Variants in FGF12 observed in about 807,000 individuals in gnomAD.
The protein encoded by FGF12 is fibroblast growth factor 12B.
FGF12 carries 14 observed loss-of-function variants against 23.6 expected under a neutral mutation model. That is an observed-to-expected ratio of 0.59 (90% CI 0.39 to 0.93). The LOEUF (loss-of-function observed/expected upper bound fraction) is 0.93, where lower values mean the gene tolerates loss of function less well. Ranked by LOEUF, FGF12 falls within the 40% of genes least tolerant of loss-of-function variation. The pLI, the probability that FGF12 is intolerant of heterozygous loss-of-function variation, is 0.00. For missense variants in FGF12, 175 were observed against 217.8 expected (o/e 0.80, Z 1.24); for synonymous variants, 62 against 77.3 (o/e 0.80, Z 1.04).
At chr3:192,170,864 A>C (rs746461738) in intron 4 of FGF12, among the ~76,000 whole-genome samples, 4 of 152,312 alleles carry the variant, frequency 2.6e-5, no homozygotes, top group African/African-American at 4.8e-5. Context: ...CCTTCAGCCC[A>C]GAGATAATAA....
Position 192,265,940 on chromosome 3 carries a change from G to A in FGF12, c.228+69421C>T, listed in dbSNP as rs187086830. Among the ~76,000 whole-genome samples the A allele has an allele frequency of 2.8e-3, 433 of 152,160 alleles. 9 individuals are homozygous for A. Among genetic ancestry groups the A allele is most frequent in the Admixed American group, 0.025 (387 of 15,260 alleles). Reference sequence around the variant, plus strand: ...ATAAACTGAATCTCTGCAAGCTTCCGTTTCCTTCTATGCATTGTGGGGATA... The same window carrying A: ...ATAAACTGAATCTCTGCAAGCTTCCATTTCCTTCTATGCATTGTGGGGATA... On this transcript the variant is annotated intron_variant, in intron 4 of 5. Coordinates refer to ENST00000445105, the MANE Select transcript of FGF12 (RefSeq NM_004113.6).
intron 2 of FGF12, among the ~76,000 whole-genome samples, chr3:192,414,887 G>C (rs917951775): frequency 1.3e-5 from 2 of 152,058 alleles, no homozygotes; most frequent in African/African-American, 4.8e-5. Context: ...TCCCCGTGAA[G>C]CTCTTTCCTT....
chr3:192,358,849 C>T (rs1463085706), intron 3 of FGF12, among the ~76,000 whole-genome samples: 5 of 152,142 alleles, frequency 3.3e-5, no homozygotes, highest in South Asian at 4.1e-4. Context: ...GTTAGATGGA[C>T]GATGCTGACA....
At chr3:192,563,210 G>A (rs778183218) in intron 2 of FGF12, among the ~76,000 whole-genome samples, 15 of 152,122 alleles carry the variant, frequency 9.9e-5, no homozygotes, top group Non-Finnish European at 2.1e-4. Flanking sequence ...AAGATTAATG[G>A]AATATTATTA....
chr3:192,677,091 G>A (rs1420446305), intron 2 of FGF12, among the ~76,000 whole-genome samples: 1 of 152,132 alleles, frequency 6.6e-6, no homozygotes, highest in Admixed American at 6.5e-5. Flanking sequence ...CCTAACCCCA[G>A]CCTAAACATG....
rs150855736 is a variant in FGF12, at chr3:192,509,657, C to G, written c.14-149119G>C. Among the ~76,000 whole-genome samples the G allele has an allele frequency of 1.7e-3, 257 of 152,224 alleles. 1 individual carries two copies. Among genetic ancestry groups the G allele is most frequent in the African/African-American group, 5.4e-3 (225 of 41,532 alleles). ...TTAATTACATCTTTGGAAAAGAGATCGATATCATTTAAGGAATAATGCACC... is the reference window on the plus strand; with the variant it reads ...TTAATTACATCTTTGGAAAAGAGATGGATATCATTTAAGGAATAATGCACC... On this transcript the variant is annotated intron_variant, in intron 2 of 5. Transcript: ENST00000445105.
At chr3:192,383,699 C>T (rs571032512) in intron 2 of FGF12, among the ~76,000 whole-genome samples, 2 of 152,168 alleles carry the variant, frequency 1.3e-5, no homozygotes, top group African/African-American at 4.8e-5. Flanking sequence ...GGTTCTACAC[C>T]ATTGGCAAAG....
intron 2 of FGF12, among the ~76,000 whole-genome samples, chr3:192,442,777 G>T (rs1222425800): frequency 1.3e-5 from 2 of 151,102 alleles, no homozygotes; most frequent in African/African-American, 4.9e-5. Flanking sequence ...ATTGTTTTCA[G>T]ATAGAGAAAT....
intron 2 of FGF12, among the ~76,000 whole-genome samples, chr3:192,465,679 G>A (rs940762164): frequency 6.6e-6 from 1 of 152,202 alleles, no homozygotes; most frequent in African/African-American, 2.4e-5. Flanking sequence ...CTGCTAGGCA[G>A]AGGGTGCCTA....
intron 4 of FGF12, among the ~76,000 whole-genome samples, chr3:192,172,768 A>G (rs1715637469): frequency 6.6e-6 from 1 of 151,002 alleles, no homozygotes; most frequent in Non-Finnish European, 1.5e-5. Flanking sequence ...GTTGCCACAC[A>G]ATCCAAAAAT....
At chr3:192,184,049 T>C (rs779855740) in intron 4 of FGF12, among the ~76,000 whole-genome samples, 1 of 152,006 alleles carries the variant, frequency 6.6e-6, no homozygotes, top group African/African-American at 2.4e-5. Context: ...ATGACAAAAC[T>C]GTGCCTCTAC....
chr3:192,699,927 T>C (rs886280365), intron 2 of FGF12, among the ~76,000 whole-genome samples: 1 of 152,206 alleles, frequency 6.6e-6, no homozygotes, highest in Non-Finnish European at 1.5e-5. Context: ...TTTCATTGTA[T>C]CCTTCTCTTA....
intron 2 of FGF12, among the ~76,000 whole-genome samples, chr3:192,606,346 C>T (rs1714336493): frequency 1.3e-5 from 2 of 151,816 alleles, no homozygotes; most frequent in African/African-American, 2.4e-5. Context: ...TATAGACGGC[C>T]GTAACTGACA....
chr3:192,629,195 T>C (rs1262954194), intron 2 of FGF12, among the ~76,000 whole-genome samples: 1 of 152,236 alleles, frequency 6.6e-6, no homozygotes, highest in Non-Finnish European at 1.5e-5. Flanking sequence ...AATGCTATTT[T>C]TGGAGAACAA....
At chr3:192,559,282 T>C (rs1053724233) in intron 2 of FGF12, among the ~76,000 whole-genome samples, 1 of 151,904 alleles carries the variant, frequency 6.6e-6, no homozygotes, top group South Asian at 2.1e-4. Flanking sequence ...TTTAAAATGT[T>C]TTAAGAATTG....
intron 2 of FGF12, among the ~76,000 whole-genome samples, chr3:192,489,676 TG>T (rs1209693153): frequency 2.0e-5 from 3 of 152,070 alleles, no homozygotes; most frequent in African/African-American, 7.2e-5. Flanking sequence ...GCCACCCTTT[TG>T]CTGCTTTGAA....
chr3:192,564,258 T>C (rs1026981417), intron 2 of FGF12, among the ~76,000 whole-genome samples: 2 of 152,090 alleles, frequency 1.3e-5, no homozygotes, highest in Non-Finnish European at 2.9e-5. Flanking sequence ...GAGACGGGGT[T>C]TCTCCATGTT....
At chr3:192,238,241 T>C (rs1332747338) in intron 4 of FGF12, 1 of 152,616 alleles carries the variant, frequency 6.6e-6, no homozygotes, top group Non-Finnish European at 1.5e-5. Context: ...AACAACACTC[T>C]GGCAGGGGCT....
intron 2 of FGF12, among the ~76,000 whole-genome samples, chr3:192,675,680 T>C (rs1233474180): frequency 6.6e-6 from 1 of 152,134 alleles, no homozygotes; most frequent in East Asian, 1.9e-4. Context: ...ACACAAAAGG[T>C]CACCTTACAA....
Sources: allele counts gnomAD v4.1 joint callset (sites outside exome capture counted in the v4.1 genomes callset), GRCh38; gene constraint gnomAD v4.1.1; transcripts MANE v1.5; gene names NCBI Gene and HGNC (gene_info 2026-07-23, HGNC 2026-07-21).